CCDC13: variants seen among roughly 807,000 people sequenced by gnomAD.
CCDC13 encodes coiled-coil domain-containing protein 13.
In CCDC13, 70 loss-of-function variants were observed where a neutral mutation model predicts 87.3. The observed-to-expected ratio is 0.80, with a 90% CI of 0.66 to 0.98. CCDC13 has a LOEUF of 0.98. Ranked by LOEUF, CCDC13 falls within the 50% of genes least tolerant of loss-of-function variation. The pLI, the probability that CCDC13 is intolerant of heterozygous loss-of-function variation, is 0.00. For missense variants in CCDC13, 842 were observed against 892.0 expected (o/e 0.94, Z 0.71); for synonymous variants, 317 against 360.3 (o/e 0.88, Z 1.36).
intron 12 of CCDC13, chr3:42,732,610 C>T (rs1412412451): frequency 4.3e-6 from 2 of 466,814 alleles, no homozygotes; most frequent in East Asian, 3.7e-5. Flanking sequence ...AGGGAAGGTG[C>T]TAGAAGCCAG....
chr3:42,720,311 T>C (rs1559639009), intron 13 of CCDC13, among the ~76,000 whole-genome samples: 1 of 152,234 alleles, frequency 6.6e-6, no homozygotes, highest in African/African-American at 2.4e-5. Flanking sequence ...TTGTTAGGCC[T>C]CCTAAATGCC....
chr3:42,758,096 C>A (rs1559660812), intron 2 of CCDC13, 29 bp downstream of exon 2: 20 of 1,523,042 alleles, frequency 1.3e-5, no homozygotes, highest in Non-Finnish European at 1.6e-5. Context: ...CACACACACA[C>A]CCCTGAGAGA....
At position 42,706,822 on chromosome 3, in the gene CCDC13, C is replaced by T. The variant is rs1698191269; in HGVS notation, c.*2158G>A. 1 of 151,070 alleles carries T rather than the reference C, an allele frequency of 6.6e-6. No individual in the cohort carries two copies. Among genetic ancestry groups the T allele is most frequent in the Non-Finnish European group, 1.5e-5 (1 of 68,046 alleles). 9.4% of individuals were successfully genotyped at this position (151,070 alleles called of 1,614,324 possible). A position where few individuals can be genotyped will look rare whatever the true frequency, so the allele number is the denominator to read the frequency against. ...TCTTTGACATACATATTAATAACAG[C>T]CCCCTGAGGGAGGATTCTATTATTG... is the stretch of plus-strand genomic sequence containing the variant. On this transcript the variant is annotated 3_prime_UTR_variant, in exon 16 of 16. Coordinates refer to ENST00000310232, the MANE Select transcript of CCDC13 (RefSeq NM_144719.4).
chr3:42,757,709 C>T (rs1180178552), intron 2 of CCDC13, among the ~76,000 whole-genome samples: 1 of 151,628 alleles, frequency 6.6e-6, no homozygotes, highest in Non-Finnish European at 1.5e-5. Context: ...AAGACTCTGT[C>T]TCTTAAAAAA....
At chr3:42,765,070 A>G (rs1290720966) in intron 1 of CCDC13, among the ~76,000 whole-genome samples, 1 of 152,206 alleles carries the variant, frequency 6.6e-6, no homozygotes, top group Non-Finnish European at 1.5e-5. Context: ...GTCACTGAGG[A>G]ACTGGTACTC....
chr3:42,737,427 C>T (rs1350724352), intron 9 of CCDC13, among the ~76,000 whole-genome samples: 1 of 152,122 alleles, frequency 6.6e-6, no homozygotes, highest in African/African-American at 2.4e-5. Context: ...GGGTATATAC[C>T]CAGTAATGGG....
At chr3:42,731,936 G>C (rs978969344) in intron 12 of CCDC13, among the ~76,000 whole-genome samples, 2 of 152,214 alleles carry the variant, frequency 1.3e-5, no homozygotes, top group South Asian at 4.1e-4. Context: ...GCACAGAGCA[G>C]CTCCTGTATT....
intron 1 of CCDC13, chr3:42,771,138 AGCTATCAC>A (rs1700084239): frequency 6.6e-6 from 1 of 152,224 alleles, no homozygotes; most frequent in South Asian, 2.1e-4. Flanking sequence ...AAAAGAAATG[AGCTATCAC>A]GCCACGAAAA....
At chr3:42,769,610 C>T (rs563194298) in intron 1 of CCDC13, among the ~76,000 whole-genome samples, 101 of 152,392 alleles carry the variant, frequency 6.6e-4, no homozygotes, top group Non-Finnish European at 9.7e-4. Flanking sequence ...CCCACTCTGG[C>T]GGTGCTTGAG....
chr3:42,713,074 T>C lies in CCDC13; in HGVS notation c.1873+88A>G, dbSNP rs1559635708. On this transcript the variant is annotated intron_variant, in intron 14 of 15. Coordinates refer to ENST00000310232, the MANE Select transcript of CCDC13 (RefSeq NM_144719.4). ...GCTCTGCTTCCCACATGCTCACTGA[T>C]GGGCTGAACAGTGCAGCTGCCTGGC... The C allele has an allele frequency of 1.1e-5, 16 of 1,444,056 alleles. No homozygotes were observed. In the South Asian group the frequency reaches 2.2e-4, roughly 20 times the overall value. The allele number at this position is 1,444,056 out of a possible 1,614,324, so 89.5% of individuals were successfully genotyped here.
At chr3:42,727,164 G>A (rs1214778270) in intron 13 of CCDC13, among the ~76,000 whole-genome samples, 3 of 152,140 alleles carry the variant, frequency 2.0e-5, no homozygotes, top group African/African-American at 7.2e-5. Context: ...CTGAGGTCAG[G>A]AGTTCGAAAT....
At position 42,742,893 on chromosome 3, in the gene CCDC13, T is replaced by TA; in HGVS notation, c.987+2dup. Reference sequence around the variant, plus strand: ...CCAGCTGACCTCCTCAGGCACGCGTTACCTCCAAGCCTTCCTGTTTTTCCC... The same window carrying TA: ...CCAGCTGACCTCCTCAGGCACGCGTTAACCTCCAAGCCTTCCTGTTTTTCCC... On this transcript the variant is annotated splice_region_variant and intron_variant, in intron 8 of 15. Transcript: ENST00000310232. 6.2e-7 allele frequency: 1 copy of TA among 1,614,002 alleles called. No individual in the cohort carries two copies. Among genetic ancestry groups the TA allele is most frequent in the Non-Finnish European group, 8.5e-7 (1 of 1,179,900 alleles).
At chr3:42,757,698 C>T (rs920006174) in intron 2 of CCDC13, among the ~76,000 whole-genome samples, 1 of 151,954 alleles carries the variant, frequency 6.6e-6, no homozygotes, top group African/African-American at 2.4e-5. Flanking sequence ...GGTGACAGTA[C>T]AAGACTCTGT....
chr3:42,744,453 C>T (rs943102057), intron 7 of CCDC13, among the ~76,000 whole-genome samples: 3 of 152,184 alleles, frequency 2.0e-5, no homozygotes, highest in Non-Finnish European at 4.4e-5. Flanking sequence ...CCAGTGCCCT[C>T]GTGTGGCGCT....
intron 8 of CCDC13, 68 bp downstream of exon 8, chr3:42,742,828 G>A (rs376565329): frequency 1.6e-5 from 25 of 1,581,708 alleles, no homozygotes; most frequent in Admixed American, 1.5e-4. Context: ...GTGCCTCAGA[G>A]CCCTTGCAGG....
rs373266481 is a variant in CCDC13, at chr3:42,752,709, C to A, written c.379G>T (p.Gly127Cys). Residue 127 changes from glycine to cysteine, a missense_variant, in exon 4 of 16, where the codon GGT becomes TGT. Transcript: ENST00000310232. ...EDRFAFTGTA[G>C]VAGDVVATKI... ...GTGGCGACCACGTCTCCGGCTACAC[C>A]GGCTGTCCCTAAAATGAAAGGAATG... 3 of 1,614,070 alleles carry A rather than the reference C, an allele frequency of 1.9e-6. No homozygotes were observed. Among genetic ancestry groups the A allele is most frequent in the Admixed American group, 3.3e-5 (2 of 60,028 alleles).
chr3:42,709,270 C>G, intron 15 of CCDC13, 131 bp from the exon 16 acceptor site: 1 of 873,352 alleles, frequency 1.1e-6, no homozygotes, highest in South Asian at 1.9e-5. Flanking sequence ...GACCCATCCC[C>G]TCCTCTCACT....
chr3:42,721,893 C>G (rs1002495116), intron 13 of CCDC13, among the ~76,000 whole-genome samples: 1 of 152,152 alleles, frequency 6.6e-6, no homozygotes, highest in Non-Finnish European at 1.5e-5. Context: ...AGAAGAAACA[C>G]GAGGGATGGG....
At chr3:42,768,697 T>TA (rs56318907) in intron 1 of CCDC13, among the ~76,000 whole-genome samples, 1 of 151,346 alleles carries the variant, frequency 6.6e-6, no homozygotes, top group African/African-American at 2.4e-5. Flanking sequence ...ACTCAAAAAA[T>TA]AAAAAAAAAT....
Sources: allele counts gnomAD v4.1 joint callset (sites outside exome capture counted in the v4.1 genomes callset), GRCh38; gene constraint gnomAD v4.1.1; transcripts MANE v1.5; gene names NCBI Gene and HGNC (gene_info 2026-07-23, HGNC 2026-07-21).